HPSE2: variants seen among roughly 807,000 people sequenced by gnomAD.
The protein encoded by HPSE2 is heparanase 2 (inactive).
HPSE2 carries 38 observed loss-of-function variants against 60.5 expected under a neutral mutation model. The ratio of observed to expected loss-of-function variants is 0.63; its 90% CI spans 0.48 to 0.82. HPSE2 has a LOEUF of 0.82. HPSE2 is among the 40% of genes least tolerant of loss of function. The pLI is 0.00. For synonymous variants in HPSE2, 295 were observed against 293.2 expected, an observed-to-expected ratio of 1.01 and a Z score of -0.06; for missense variants, 713 against 740.4, an observed-to-expected ratio of 0.96 and a Z score of 0.43.
chr10:99,101,218 A>G (rs542060678), intron 3 of HPSE2, among the ~76,000 whole-genome samples: 1 of 152,342 alleles, frequency 6.6e-6, no homozygotes, highest in East Asian at 1.9e-4. Context: ...GTCAAGACCC[A>G]TCAGTGTGCT....
chr10:99,051,068 G>A (rs529562181), intron 3 of HPSE2, among the ~76,000 whole-genome samples: 11 of 152,094 alleles, frequency 7.2e-5, no homozygotes, highest in African/African-American at 2.7e-4. Flanking sequence ...GAACAATTCA[G>A]TGAAAAAAAT....
chr10:98,956,247 C>T (rs757088051), intron 3 of HPSE2, among the ~76,000 whole-genome samples: 4 of 151,348 alleles, frequency 2.6e-5, no homozygotes, highest in Non-Finnish European at 5.9e-5. Context: ...GCAGGAAGGA[C>T]AAACAATAAA....
the HPSE2 span, among the ~76,000 whole-genome samples, chr10:99,284,716 G>T: frequency 6.6e-6 from 1 of 152,078 alleles, no homozygotes; most frequent in African/African-American, 2.4e-5. Flanking sequence ...TTAAGTTCAG[G>T]GGTACGAATG....
Position 98,641,860 on chromosome 10 carries a change from C to G in HPSE2, c.1085G>C (p.Arg362Thr). The change falls in exon 7 of 12, where the codon AGG (arginine) becomes ACG (threonine). Residue 362 changes from arginine (R) to threonine (T), a missense_variant. Arg to Thr is a moderately conservative substitution (Grantham distance 71). Coordinates refer to ENST00000370552, the MANE Select transcript of HPSE2 (RefSeq NM_021828.5). ...RLLDTLSDQIRKIQKVVNTYT... is the reference protein window; with the variant it reads ...RLLDTLSDQITKIQKVVNTYT... ...ACTTTTACTCACTTTCTGAATTTTC[C>G]TAATCTGGTCAGAGAGTGTGTCTAA... 2 of 1,613,220 alleles carry G rather than the reference C, an allele frequency of 1.2e-6. No individual in the cohort carries two copies. Among genetic ancestry groups the G allele is most frequent in the Non-Finnish European group, 8.5e-7 (1 of 1,179,294 alleles).
chr10:99,281,950 T>C, the HPSE2 span, among the ~76,000 whole-genome samples: 1 of 151,858 alleles, frequency 6.6e-6, no homozygotes, highest in Non-Finnish European at 1.5e-5. Flanking sequence ...AAAAAATAGA[T>C]TTAAGCCAAA....
At chr10:99,233,442 A>G (rs547216076) in intron 1 of HPSE2, among the ~76,000 whole-genome samples, 113 of 152,336 alleles carry the variant, frequency 7.4e-4, no homozygotes, top group African/African-American at 2.6e-3. Context: ...TAGCATTTGC[A>G]TCTATTTAAG....
chr10:98,960,898 G>A (rs1363966346), intron 3 of HPSE2, among the ~76,000 whole-genome samples: 4 of 71,468 alleles, frequency 5.6e-5, no homozygotes, highest in Non-Finnish European at 7.4e-5. Flanking sequence ...CCCCTCCCCC[G>A]ACCCCACCAC....
chr10:98,514,711 GTTTTTT>G (rs35977879), intron 9 of HPSE2, among the ~76,000 whole-genome samples: 1 of 67,710 alleles, frequency 1.5e-5, no homozygotes, highest in Non-Finnish European at 2.9e-5. Context: ...TATATACTTT[GTTTTTT>G]TTTTTTTTTT....
At chr10:98,550,545 T>C (rs925084263) in intron 9 of HPSE2, among the ~76,000 whole-genome samples, 3 of 151,304 alleles carry the variant, frequency 2.0e-5, no homozygotes, top group African/African-American at 7.3e-5. Context: ...CTCAGCTCAC[T>C]GCAAGCTCCA....
At chr10:98,678,430 TC>T (rs1824457276) in intron 6 of HPSE2, among the ~76,000 whole-genome samples, 1 of 152,158 alleles carries the variant, frequency 6.6e-6, no homozygotes, top group African/African-American at 2.4e-5. Flanking sequence ...GACTGCAGGG[TC>T]CCATTCCCGA....
intron 2 of HPSE2, among the ~76,000 whole-genome samples, chr10:99,218,453 TC>T (rs993191671): frequency 1.7e-4 from 26 of 152,012 alleles, no homozygotes; most frequent in African/African-American, 6.0e-4. Flanking sequence ...GACTCTCTTT[TC>T]CCCTCCCCCT....
At chr10:99,283,292 G>A in the HPSE2 span, among the ~76,000 whole-genome samples, 3 of 149,788 alleles carry the variant, frequency 2.0e-5, no homozygotes, top group Admixed American at 1.3e-4. Context: ...AAAGCTATCA[G>A]AAGGGAGAAA....
At chr10:98,781,902 T>C (rs1950480977) in intron 3 of HPSE2, among the ~76,000 whole-genome samples, 1 of 148,992 alleles carries the variant, frequency 6.7e-6, no homozygotes, top group South Asian at 2.1e-4. Context: ...ATGTTTTTTG[T>C]TGAAATATTT....
At chr10:98,715,467 T>C (rs1948768381) in intron 5 of HPSE2, among the ~76,000 whole-genome samples, 1 of 151,922 alleles carries the variant, frequency 6.6e-6, no homozygotes, top group Non-Finnish European at 1.5e-5. Flanking sequence ...TTTAATTAAT[T>C]TATCTTGGTT....
intron 3 of HPSE2, among the ~76,000 whole-genome samples, chr10:98,777,287 C>T (rs981926910): frequency 4.6e-5 from 7 of 152,088 alleles, no homozygotes; most frequent in African/African-American, 1.7e-4. Context: ...TGACCCAAAA[C>T]CTAAAAGCTA....
At chr10:99,184,819 T>TATACATACATAG (rs1554912295) in intron 2 of HPSE2, among the ~76,000 whole-genome samples, 1 of 19,858 alleles carries the variant, frequency 5.0e-5, no homozygotes, top group Non-Finnish European at 9.9e-5. Context: ...TATATATATA[T>TATACATACATAG]AGAGAGAGAG....
chr10:99,312,049 G>C, the HPSE2 span, among the ~76,000 whole-genome samples: 1 of 152,200 alleles, frequency 6.6e-6, no homozygotes, highest in Non-Finnish European at 1.5e-5. Flanking sequence ...TGAAGGCTGA[G>C]AGAGGTGAGG....
rs556479558 is a variant in HPSE2 at position 98,721,908 on chromosome 10, C to T, written c.785-80G>A. ...ACTTTCCTGTCCACAGATCTCTCTG[C>T]CTTTTTCTTAATAATATGAAAAAAA... On this transcript the variant is annotated intron_variant, in intron 4 of 11. Transcript: ENST00000370552. 7.8e-5 allele frequency: 91 copies of T among 1,168,170 alleles called. No homozygotes were observed. The African/African-American group carries it at 1.3e-3, about 16-fold the overall frequency. The allele number at this position is 1,168,170 out of a possible 1,614,324, so 72.4% of individuals were successfully genotyped here.
At chr10:98,693,978 C>T in intron 5 of HPSE2, 31 bp from the exon 6 acceptor site, 5 of 1,469,998 alleles carry the variant, frequency 3.4e-6, no homozygotes, top group South Asian at 3.4e-5. Flanking sequence ...AAAGATATTA[C>T]AACTTAGATT....
Sources: allele counts gnomAD v4.1 joint callset (sites outside exome capture counted in the v4.1 genomes callset), GRCh38; gene constraint gnomAD v4.1.1; transcripts MANE v1.5; gene names NCBI Gene and HGNC (gene_info 2026-07-23, HGNC 2026-07-21).